Variants in CEP78 observed in about 807,000 individuals in gnomAD.
The protein encoded by CEP78 is centrosomal protein of 78 kDa.
A neutral mutation model predicts 81.2 loss-of-function variants in CEP78; 76 were observed. The observed-to-expected ratio is 0.94, with a 90% CI of 0.78 to 1.13. CEP78 has a LOEUF of 1.13. Among genes scored for constraint, CEP78 ranks in the 50% most tolerant of loss-of-function variants. The pLI, the probability that CEP78 is intolerant of heterozygous loss-of-function variation, is 0.00. For missense variants in CEP78, 918 were observed against 846.8 expected (o/e 1.08, Z -1.04); for synonymous variants, 293 against 301.4 (o/e 0.97, Z 0.29).
chr9:78,259,825 A>C (rs1234111585), intron 11 of CEP78, among the ~76,000 whole-genome samples: 1 of 152,190 alleles, frequency 6.6e-6, no homozygotes, highest in Non-Finnish European at 1.5e-5. Context: ...CCTAAAAGAG[A>C]AATTTAAGTA....
At position 78,241,766 on chromosome 9, in the gene CEP78, G is replaced by A; in HGVS notation, c.570G>A (p.Trp190Ter). The change falls in exon 4 of 17, where the codon TGG (tryptophan) becomes TGA (stop). Residue 190 changes from tryptophan (W) to a stop codon, truncating the protein, a stop_gained. Transcript: ENST00000643273. LOFTEE classifies it high-confidence loss of function. ...TVNFTGCNLT[W>*]QGADHMAKIL... is the part of the protein sequence containing the mutation. ...ACTTCACAGGATGTAATCTGACATG[G>A]CAGGGAGCAGATCACATGGCCAAGA... 6.2e-7 allele frequency: 1 copy of A among 1,608,100 alleles called. No homozygotes were observed. The highest frequency in any genetic ancestry group is 8.5e-7 in the Non-Finnish European group (1 of 1,175,022).
At chr9:78,255,784 T>G (rs995090517) in intron 11 of CEP78, among the ~76,000 whole-genome samples, 3 of 152,208 alleles carry the variant, frequency 2.0e-5, no homozygotes, top group African/African-American at 7.2e-5. Flanking sequence ...TTGTAGCACC[T>G]AAGTGGTTTA....
intron 16 of CEP78, among the ~76,000 whole-genome samples, chr9:78,269,789 G>A (rs532539304): frequency 6.6e-6 from 1 of 152,212 alleles, no homozygotes; most frequent in Admixed American, 6.5e-5. Context: ...AGAGGAAATG[G>A]AGTTAGCTGA....
chr9:78,254,743 CTT>C, intron 10 of CEP78, 91 bp from the exon 11 acceptor site: 1 of 994,472 alleles, frequency 1.0e-6, no homozygotes, highest in Non-Finnish European at 1.5e-6. Flanking sequence ...TAGAGAATGA[CTT>C]AACACTTCAG....
intron 4 of CEP78, 83 bp from the exon 5 acceptor site, chr9:78,243,379 T>G (rs780384259): frequency 1.7e-4 from 187 of 1,133,254 alleles, no homozygotes; most frequent in Non-Finnish European, 2.3e-4. Context: ...AAAGCTCTGA[T>G]GTAATCAGCT....
chr9:78,245,308 A>G (rs1020194058), intron 5 of CEP78, among the ~76,000 whole-genome samples: 2 of 152,148 alleles, frequency 1.3e-5, no homozygotes, highest in African/African-American at 4.8e-5. Context: ...CAAGATCCAG[A>G]TGCCAGTAGA....
intron 11 of CEP78, 79 bp downstream of exon 11, chr9:78,255,043 A>G (rs771644832): frequency 9.9e-6 from 12 of 1,209,424 alleles, no homozygotes; most frequent in African/African-American, 4.6e-5. Context: ...TTGATTATGA[A>G]CTGGACAGCT....
chr9:78,275,511 A>G lies in CEP78; in HGVS notation c.*4660A>G, dbSNP rs1348934967. 6.6e-6 allele frequency: 1 copy of G among 150,656 alleles called. No individual in the cohort carries two copies. Among genetic ancestry groups the G allele is most frequent in the Non-Finnish European group, 1.5e-5 (1 of 67,942 alleles). The allele number at this position is 150,656 out of a possible 1,614,324, so 9.3% of individuals were successfully genotyped here. A position where few individuals can be genotyped will look rare whatever the true frequency, so the allele number is the denominator to read the frequency against. ...TCCCAACTACTCAGGAGTCTGAGGC[A>G]TGAGTGTCGCTTGAACCTGGGAGGC... is the stretch of plus-strand genomic sequence containing the variant. On this transcript the variant is annotated 3_prime_UTR_variant, in exon 17 of 17. Coordinates refer to ENST00000643273, the MANE Select transcript of CEP78 (RefSeq NM_001330691.3).
At chr9:78,246,344 A>G (rs142238989) in intron 5 of CEP78, among the ~76,000 whole-genome samples, 7,527 of 152,244 alleles carry the variant, frequency 0.049, 289 homozygotes, top group Admixed American at 0.14. Flanking sequence ...TCACGCCTGT[A>G]ATCCCAGCAC....
chr9:78,267,162 TC>T (rs1827580705), intron 16 of CEP78: 1 of 663,340 alleles, frequency 1.5e-6, no homozygotes, highest in Non-Finnish European at 2.3e-6. Flanking sequence ...GGTCTGTTTT[TC>T]CCTTTGATAG....
chr9:78,264,642 T>C (rs1827431567), intron 13 of CEP78, among the ~76,000 whole-genome samples: 1 of 124,292 alleles, frequency 8.0e-6, no homozygotes, highest in South Asian at 2.6e-4. Context: ...AGAGCCCATC[T>C]CTTAAAAAAA....
chr9:78,261,169 T>C (rs1449178180), intron 11 of CEP78, among the ~76,000 whole-genome samples: 7 of 152,152 alleles, frequency 4.6e-5, no homozygotes, highest in Non-Finnish European at 8.8e-5. Flanking sequence ...CTCAATTTCC[T>C]GACCTTGTGA....
chr9:78,247,105 CT>C (rs1394735715), intron 6 of CEP78, among the ~76,000 whole-genome samples: 1 of 152,162 alleles, frequency 6.6e-6, no homozygotes, highest in Non-Finnish European at 1.5e-5. Context: ...TTTTTGAATA[CT>C]TCTATCTGCT....
intron 5 of CEP78, among the ~76,000 whole-genome samples, chr9:78,245,167 T>C (rs1176669257): frequency 2.6e-5 from 4 of 151,798 alleles, no homozygotes; most frequent in African/African-American, 9.7e-5. Flanking sequence ...CAGTTAGGGC[T>C]TCATAGAATA....
intron 4 of CEP78, among the ~76,000 whole-genome samples, chr9:78,242,182 G>A (rs1826267092): frequency 3.7e-5 from 3 of 81,606 alleles, no homozygotes; most frequent in Non-Finnish European, 7.9e-5. Flanking sequence ...ACTATGGCCT[G>A]TGGACCAAAT....
chr9:78,267,587 G>A (rs1827594148), intron 16 of CEP78, among the ~76,000 whole-genome samples: 1 of 152,124 alleles, frequency 6.6e-6, no homozygotes, highest in African/African-American at 2.4e-5. Context: ...AAAGTTGCAC[G>A]GCTGTAAATA....
At chr9:78,247,076 T>C (rs1296400035) in intron 6 of CEP78, among the ~76,000 whole-genome samples, 1 of 152,224 alleles carries the variant, frequency 6.6e-6, no homozygotes, top group Non-Finnish European at 1.5e-5. Flanking sequence ...TTTCATTCAT[T>C]TGTTGATTTG....
Position 78,271,135 on chromosome 9 carries a change from T to G in CEP78, c.*284T>G. ...CTCCGAAGAGGAACTGAAGTTAAGC[T>G]GCCCACATGATCTCTCTAACTATGA... On this transcript the variant is annotated 3_prime_UTR_variant, in exon 17 of 17. Transcript: ENST00000643273. 1 of 317,976 alleles carries G rather than the reference T, an allele frequency of 3.1e-6. No individual in the cohort carries two copies. The highest frequency in any genetic ancestry group is 6.3e-5 in the South Asian group (1 of 15,774). 19.7% of individuals were successfully genotyped at this position (317,976 alleles called of 1,614,324 possible). A position where few individuals can be genotyped will look rare whatever the true frequency, so the allele number is the denominator to read the frequency against.
rs1021441386 is a variant in CEP78, at chr9:78,274,741, T to C, written c.*3890T>C. The C allele has an allele frequency of 6.6e-6, 1 of 152,194 alleles. No homozygotes were observed. The highest frequency in any genetic ancestry group is 2.4e-5 in the African/African-American group (1 of 41,450). The allele number at this position is 152,194 out of a possible 1,614,324, so 9.4% of individuals were successfully genotyped here. The stretch of plus-strand genomic sequence containing the variant: ...TGTCCACTTGGAAATTTTTAAATGA[T>C]CTTCTAAATAACTCATTTAAAGGAG... On this transcript the variant is annotated 3_prime_UTR_variant, in exon 17 of 17. Coordinates refer to ENST00000643273, the MANE Select transcript of CEP78 (RefSeq NM_001330691.3).
Sources: gnomAD v4.1 joint callset for allele counts (sites outside exome capture counted in the v4.1 genomes callset) on GRCh38, gnomAD v4.1.1 for gene constraint, MANE v1.5 for transcripts, NCBI Gene and HGNC (gene_info 2026-07-23, HGNC 2026-07-21) for gene names.